SMOC2: variants seen among roughly 807,000 people sequenced by gnomAD.
SMOC2 encodes SPARC related modular calcium binding 2.
In SMOC2, 39 loss-of-function variants were observed where a neutral mutation model predicts 61.4. The ratio of observed to expected loss-of-function variants is 0.64; its 90% CI spans 0.49 to 0.83. The LOEUF is 0.83. Among genes scored for constraint, SMOC2 ranks in the 40% least tolerant of loss-of-function variants. The pLI is 0.00. For synonymous variants in SMOC2, 247 were observed against 239.9 expected, an observed-to-expected ratio of 1.03 and a Z score of -0.27; for missense variants, 556 against 592.9, an observed-to-expected ratio of 0.94 and a Z score of 0.65.
At chr6:168,599,096 A>T (rs959891002) in intron 8 of SMOC2, 92 bp downstream of exon 8, 12 of 1,149,316 alleles carry the variant, frequency 1.0e-5, no homozygotes, top group Non-Finnish European at 1.5e-5. Flanking sequence ...CCCAACACAC[A>T]CCGACACACA....
intron 9 of SMOC2, among the ~76,000 whole-genome samples, chr6:168,643,023 T>C (rs1583182189): frequency 6.6e-6 from 1 of 152,190 alleles, no homozygotes; most frequent in East Asian, 1.9e-4. Flanking sequence ...TGTGTACTTG[T>C]TATGTTCCAG....
chr6:168,504,006 C>G (rs1358377908), intron 1 of SMOC2, among the ~76,000 whole-genome samples: 1 of 152,070 alleles, frequency 6.6e-6, no homozygotes, highest in African/African-American at 2.4e-5. Context: ...CAAGTGATGC[C>G]AGCACATTGA....
chr6:168,458,922 T>C (rs6908415), intron 1 of SMOC2, among the ~76,000 whole-genome samples: 44,271 of 152,176 alleles, frequency 0.29, 8,340 homozygotes, highest in African/African-American at 0.52. Flanking sequence ...TGGAAAATAG[T>C]GTAACATGGA....
intron 4 of SMOC2, among the ~76,000 whole-genome samples, chr6:168,530,364 A>G (rs1783559570): frequency 6.6e-6 from 1 of 152,200 alleles, no homozygotes; most frequent in Non-Finnish European, 1.5e-5. Flanking sequence ...GTATTCTTAA[A>G]GCCATGAATG....
chr6:168,614,184 C>T (rs1785980790), intron 9 of SMOC2, among the ~76,000 whole-genome samples: 1 of 79,910 alleles, frequency 1.3e-5, no homozygotes, highest in Non-Finnish European at 2.5e-5. Context: ...GGGGCCTCTT[C>T]ACACCTACAG....
At chr6:168,451,521 C>T (rs1402989227) in intron 1 of SMOC2, among the ~76,000 whole-genome samples, 4 of 152,070 alleles carry the variant, frequency 2.6e-5, no homozygotes, top group African/African-American at 9.7e-5. Flanking sequence ...TCTCTGTGCC[C>T]TGCAGACATG....
intron 1 of SMOC2, among the ~76,000 whole-genome samples, chr6:168,486,239 G>A (rs1782329793): frequency 6.6e-6 from 1 of 152,156 alleles, no homozygotes; most frequent in Non-Finnish European, 1.5e-5. Context: ...TGAATACAAA[G>A]TCTAGTGGCA....
intron 1 of SMOC2, among the ~76,000 whole-genome samples, chr6:168,500,305 AG>A (rs369764630): frequency 6.8e-6 from 1 of 146,674 alleles, no homozygotes; most frequent in African/African-American, 2.5e-5. Flanking sequence ...AAAAAAAAAA[AG>A]AAGAAGAAAA....
intron 11 of SMOC2, 66 bp downstream of exon 11, chr6:168,653,294 TCACAAA>T: frequency 6.5e-7 from 1 of 1,534,034 alleles, no homozygotes; most frequent in East Asian, 2.3e-5. Context: ...GGTCTGCTTC[TCACAAA>T]CACAATTACA....
chr6:168,606,530 T>C (rs1344225349), intron 8 of SMOC2, among the ~76,000 whole-genome samples: 1 of 152,202 alleles, frequency 6.6e-6, no homozygotes, highest in African/African-American at 2.4e-5. Context: ...CTGGGGCCTC[T>C]GTTAGAACAC....
intron 7 of SMOC2, among the ~76,000 whole-genome samples, chr6:168,585,172 T>C (rs1340991814): frequency 3.9e-5 from 6 of 152,152 alleles, no homozygotes; most frequent in Admixed American, 2.6e-4. Context: ...TTGCCCAGGC[T>C]GACATCAAAC....
intron 7 of SMOC2, among the ~76,000 whole-genome samples, chr6:168,587,174 A>G (rs1415681685): frequency 6.6e-6 from 1 of 152,236 alleles, no homozygotes; most frequent in African/African-American, 2.4e-5. Context: ...GATTTGTAGT[A>G]TTTTAAATAG....
At chr6:168,444,151 T>C (rs1357270285) in intron 1 of SMOC2, among the ~76,000 whole-genome samples, 1 of 152,248 alleles carries the variant, frequency 6.6e-6, no homozygotes, top group East Asian at 1.9e-4. Flanking sequence ...GCACACCACT[T>C]GGCTCTGGGT....
At chr6:168,500,272 G>A (rs1415477334) in intron 1 of SMOC2, among the ~76,000 whole-genome samples, 3 of 124,724 alleles carry the variant, frequency 2.4e-5, no homozygotes, top group Non-Finnish European at 4.8e-5. Flanking sequence ...GGATGACAGA[G>A]TGAAACTCTG....
Position 168,653,046 on chromosome 6 carries a change from G to A in SMOC2, c.1103G>A (p.Gly368Asp), listed in dbSNP as rs1267815922. Reference protein sequence around the residue: ...LLDKNSSGDIGKKEIKPFKRF... With the variant: ...LLDKNSSGDIDKKEIKPFKRF... The stretch of plus-strand genomic sequence containing the variant: ...GATAAAAACTCCAGTGGAGACATCG[G>A]CAAAAAGGAAATCAAACCCTTCAAG... The change falls in exon 11 of 13, where the codon GGC (glycine) becomes GAC (aspartate). Residue 368 changes from glycine to aspartate, a missense_variant. Coordinates refer to ENST00000356284, the MANE Select transcript of SMOC2 (RefSeq NM_001166412.2). 1.2e-6 allele frequency: 2 copies of A among 1,613,964 alleles called. No homozygotes were observed. Among genetic ancestry groups the A allele is most frequent in the Admixed American group, 1.7e-5 (1 of 59,998 alleles).
chr6:168,494,306 C>T (rs1275861480), intron 1 of SMOC2, among the ~76,000 whole-genome samples: 2 of 152,178 alleles, frequency 1.3e-5, no homozygotes, highest in African/African-American at 4.8e-5. Flanking sequence ...AGTGGTAGGG[C>T]AGGCATGTGA....
chr6:168,444,873 A>G (rs1781296872), intron 1 of SMOC2, among the ~76,000 whole-genome samples: 1 of 152,192 alleles, frequency 6.6e-6, no homozygotes, highest in South Asian at 2.1e-4. Flanking sequence ...AAAGGCAGAG[A>G]GAAGAACAAT....
chr6:168,569,635 G>T (rs973509507), intron 7 of SMOC2, among the ~76,000 whole-genome samples: 4 of 152,052 alleles, frequency 2.6e-5, no homozygotes, highest in East Asian at 1.9e-4. Flanking sequence ...GTAGAGACAG[G>T]GTTTGGCCAT....
intron 9 of SMOC2, among the ~76,000 whole-genome samples, chr6:168,649,770 G>A (rs1211691631): frequency 2.0e-5 from 3 of 152,196 alleles, no homozygotes; most frequent in African/African-American, 7.2e-5. Flanking sequence ...CAGCTGAGCT[G>A]CTTCTCTATG....
Sources: gnomAD v4.1 joint callset for allele counts (sites outside exome capture counted in the v4.1 genomes callset) on GRCh38, gnomAD v4.1.1 for gene constraint, MANE v1.5 for transcripts, NCBI Gene and HGNC (gene_info 2026-07-23, HGNC 2026-07-21) for gene names.